CNTN5: variants seen among roughly 807,000 people sequenced by gnomAD.
The protein encoded by CNTN5 is contactin 5.
CNTN5 carries 77 observed loss-of-function variants against 129.1 expected under a neutral mutation model. That is an observed-to-expected ratio of 0.60 (90% CI 0.50 to 0.72). The LOEUF (loss-of-function observed/expected upper bound fraction) is 0.72. CNTN5 is among the 30% of genes least tolerant of loss of function. CNTN5 has a pLI of 0.00. For missense variants in CNTN5, 1,478 were observed against 1,328.8 expected, an observed-to-expected ratio of 1.11 and a Z score of -1.75; for synonymous variants, 509 against 465.6, an observed-to-expected ratio of 1.09 and a Z score of -1.20.
chr11:100,275,129 G>A (rs1279625239), intron 18 of CNTN5, among the ~76,000 whole-genome samples: 4 of 150,274 alleles, frequency 2.7e-5, no homozygotes, highest in African/African-American at 9.8e-5. Context: ...TAAATATGTT[G>A]GAAAAGGTTC....
intron 3 of CNTN5, among the ~76,000 whole-genome samples, chr11:99,680,123 T>A (rs1307513671): frequency 2.0e-5 from 3 of 152,170 alleles, no homozygotes; most frequent in Non-Finnish European, 2.9e-5. Flanking sequence ...AAATGAAAGA[T>A]GAAGCAGAAA....
chr11:100,013,316 A>C (rs1295010943), intron 9 of CNTN5, among the ~76,000 whole-genome samples: 1 of 152,106 alleles, frequency 6.6e-6, no homozygotes, highest in African/African-American at 2.4e-5. Flanking sequence ...ACCAAACTGC[A>C]CTTGTACCCC....
chr11:99,296,539 C>T (rs565282969), intron 1 of CNTN5, among the ~76,000 whole-genome samples: 1 of 152,150 alleles, frequency 6.6e-6, no homozygotes, highest in East Asian at 1.9e-4. Flanking sequence ...CTGCAAATGA[C>T]AATTGAATAA....
At chr11:99,696,844 T>C (rs1257399732) in intron 3 of CNTN5, among the ~76,000 whole-genome samples, 1 of 152,016 alleles carries the variant, frequency 6.6e-6, no homozygotes, top group Non-Finnish European at 1.5e-5. Flanking sequence ...AAACCCACAC[T>C]GTGTAAGACC....
intron 6 of CNTN5, among the ~76,000 whole-genome samples, chr11:99,875,119 T>C (rs554583240): frequency 1.3e-5 from 2 of 152,312 alleles, no homozygotes; most frequent in African/African-American, 4.8e-5. Flanking sequence ...ATTATAGTTT[T>C]CTTAATCTTT....
intron 1 of CNTN5, among the ~76,000 whole-genome samples, chr11:99,104,140 G>A (rs1008136020): frequency 2.0e-5 from 3 of 152,126 alleles, no homozygotes; most frequent in African/African-American, 4.8e-5. Context: ...GGAGGTAGAC[G>A]TGGGATTAAA....
intron 2 of CNTN5, among the ~76,000 whole-genome samples, chr11:99,399,538 G>A (rs1389394067): frequency 6.6e-6 from 1 of 151,538 alleles, no homozygotes; most frequent in Non-Finnish European, 1.5e-5. Flanking sequence ...CTAAAGATAA[G>A]AGCCGATTAT....
At chr11:100,153,262 T>TA (rs984588537) in intron 13 of CNTN5, among the ~76,000 whole-genome samples, 7 of 152,250 alleles carry the variant, frequency 4.6e-5, no homozygotes, top group Admixed American at 3.3e-4. Flanking sequence ...CGCAATCAGT[T>TA]AAAAATCACT....
intron 20 of CNTN5, 107 bp downstream of exon 20, chr11:100,299,503 CTCAT>C (rs1951173030): frequency 1.5e-5 from 10 of 646,162 alleles, no homozygotes; most frequent in Non-Finnish European, 7.1e-6. Flanking sequence ...GCAAAATAAA[CTCAT>C]TCATAATCTC....
chr11:99,095,988 C>A (rs1866455400), intron 1 of CNTN5, among the ~76,000 whole-genome samples: 1 of 151,732 alleles, frequency 6.6e-6, no homozygotes, highest in Non-Finnish European at 1.5e-5. Flanking sequence ...GATATTCATT[C>A]AATTTTATTC....
intron 16 of CNTN5, among the ~76,000 whole-genome samples, chr11:100,253,040 T>C (rs1950000968): frequency 6.6e-6 from 1 of 151,814 alleles, no homozygotes. Flanking sequence ...GTTCAGGGAG[T>C]AAAGGAAGTG....
chr11:99,151,299 T>C (rs1860044523), intron 1 of CNTN5, among the ~76,000 whole-genome samples: 1 of 152,088 alleles, frequency 6.6e-6, no homozygotes. Flanking sequence ...CATGCACTCT[T>C]GTGTGTGTGA....
intron 1 of CNTN5, among the ~76,000 whole-genome samples, chr11:99,099,927 A>G (rs1027385909): frequency 2.6e-5 from 4 of 152,178 alleles, no homozygotes; most frequent in Admixed American, 6.6e-5. Context: ...CCTTTTCCTG[A>G]AAGAAAAATA....
At chr11:99,452,195 T>C (rs896629699) in intron 2 of CNTN5, among the ~76,000 whole-genome samples, 2 of 152,148 alleles carry the variant, frequency 1.3e-5, no homozygotes, top group Non-Finnish European at 2.9e-5. Flanking sequence ...AATAAATGTA[T>C]ACTGTAAAAT....
chr11:100,032,928 A>T (rs1310580846), intron 9 of CNTN5, among the ~76,000 whole-genome samples: 1 of 152,130 alleles, frequency 6.6e-6, no homozygotes, highest in Non-Finnish European at 1.5e-5. Context: ...AATTCTTAAA[A>T]TTTTACCTAG....
At chr11:99,965,371 G>A (rs149480100) in intron 8 of CNTN5, among the ~76,000 whole-genome samples, 3,139 of 151,922 alleles carry the variant, frequency 0.021, 111 homozygotes, top group African/African-American at 0.07. Context: ...CTTTGTTCTC[G>A]TTGGTTTCAA....
chr11:99,445,274 C>A (rs1011882202), intron 2 of CNTN5, among the ~76,000 whole-genome samples: 7 of 151,352 alleles, frequency 4.6e-5, no homozygotes, highest in Non-Finnish European at 7.4e-5. Context: ...TTCCATTTCA[C>A]CTCAGCTAAT....
chr11:99,347,171 T>C (rs900591253), intron 2 of CNTN5, among the ~76,000 whole-genome samples: 12 of 152,200 alleles, frequency 7.9e-5, no homozygotes, highest in Admixed American at 6.5e-5. Context: ...GAGTTTCAAG[T>C]TCAATCACAA....
intron 2 of CNTN5, among the ~76,000 whole-genome samples, chr11:99,429,756 A>G (rs1159447149): frequency 6.6e-6 from 1 of 152,066 alleles, no homozygotes; most frequent in Non-Finnish European, 1.5e-5. Context: ...GCCATATAAT[A>G]TTTTTACAGT....
Sources: gnomAD v4.1 joint callset for allele counts (sites outside exome capture counted in the v4.1 genomes callset) on GRCh38, gnomAD v4.1.1 for gene constraint, MANE v1.5 for transcripts, NCBI Gene and HGNC (gene_info 2026-07-23, HGNC 2026-07-21) for gene names.